Variants in KIF26A observed in about 807,000 individuals in gnomAD.
KIF26A encodes kinesin-like protein KIF26A.
A neutral mutation model predicts 126.0 loss-of-function variants in KIF26A; 74 were observed. The ratio of observed to expected loss-of-function variants is 0.59; its 90% CI spans 0.49 to 0.71. The LOEUF is 0.71. Ranked by LOEUF, KIF26A falls within the 30% of genes least tolerant of loss-of-function variation. KIF26A has a pLI of 0.00. For synonymous variants in KIF26A, 1,445 were observed against 1,232.7 expected (o/e 1.17, Z -3.61); for missense variants, 2,984 against 2,763.3 (o/e 1.08, Z -1.79).
rs921616776 is a variant in KIF26A, at chr14:104,173,210, C to G, written c.1654C>G (p.Leu552Val). 6.2e-6 allele frequency: 10 copies of G among 1,610,774 alleles called. No individual in the cohort carries two copies. Among genetic ancestry groups the G allele is most frequent in the Non-Finnish European group, 8.5e-6 (10 of 1,178,626 alleles). ...GGACACCCAGTCTCCGGGAGTGTACCTGCGGGAGGACCCCGTGTGTGGGGC... is the reference window on the plus strand; with the variant it reads ...GGACACCCAGTCTCCGGGAGTGTACGTGCGGGAGGACCCCGTGTGTGGGGC... ...LQDTQSPGVY[L>V]REDPVCGAQL... The change falls in exon 8 of 15, where the codon CTG (leucine) becomes GTG (valine). Residue 552 changes from leucine (L) to valine (V), a missense_variant. By Grantham distance (32) the Leu-to-Val change is conservative. Coordinates refer to ENST00000423312, the MANE Select transcript of KIF26A (RefSeq NM_015656.2).
At chr14:104,159,688 TC>T (rs2037815704) in intron 4 of KIF26A, among the ~76,000 whole-genome samples, 1 of 152,200 alleles carries the variant, frequency 6.6e-6, no homozygotes, top group African/African-American at 2.4e-5. Flanking sequence ...TGCCATTACT[TC>T]CAGCCTGTTA....
intron 4 of KIF26A, among the ~76,000 whole-genome samples, chr14:104,162,009 T>G (rs10149665): frequency 0.51 from 77,403 of 151,968 alleles, 20,188 homozygotes; most frequent in African/African-American, 0.63. Context: ...CACAGGGCCG[T>G]GGGCCCTCAA....
At chr14:104,174,020 TGG>T in intron 10 of KIF26A, 126 bp from the exon 11 acceptor site, 1 of 1,398,146 alleles carries the variant, frequency 7.2e-7, no homozygotes, top group Middle Eastern at 1.9e-4. Context: ...GTGGGCTGCC[TGG>T]GGCCCCACGC....
rs2037606006 is a variant in KIF26A at position 104,138,594 on chromosome 14, G to A, written c.-129G>A. The A allele has an allele frequency of 2.9e-6, 2 of 681,938 alleles. No homozygotes were observed. Among genetic ancestry groups the A allele is most frequent in the African/African-American group, 3.8e-5 (2 of 52,234 alleles). The allele number at this position is 681,938 out of a possible 1,614,324, so 42.2% of individuals were successfully genotyped here. A position where few individuals can be genotyped will look rare whatever the true frequency, so the allele number is the denominator to read the frequency against. On this transcript the variant is annotated 5_prime_UTR_variant, in exon 1 of 15. Transcript: ENST00000423312. ...CACCGCGCTCCTCGCGACACTCGCA[G>A]GCTCTGCGAACTTCCGAGCGGCTGG...
In KIF26A at chr14:104,171,911, C is replaced by A; in HGVS notation, c.1302C>A (p.Ala434=). The part of the protein sequence containing the change: ...AAVPKMFAFD[A]VFPQDSEQAE... ...TTCCCAAGATGTTTGCCTTCGATGC[C>A]GTCTTCCCCCAGGACTCCGAGCAGG... Residue 434 remains alanine, a synonymous_variant, in exon 6 of 15, where the codon GCC becomes GCA. Coordinates refer to ENST00000423312, the MANE Select transcript of KIF26A (RefSeq NM_015656.2). 1 of 1,555,370 alleles carries A rather than the reference C, an allele frequency of 6.4e-7. No homozygotes were observed. The highest frequency in any genetic ancestry group is 8.7e-7 in the Non-Finnish European group (1 of 1,150,452).
chr14:104,149,154 C>G (rs892266728), intron 2 of KIF26A, among the ~76,000 whole-genome samples: 2 of 152,172 alleles, frequency 1.3e-5, no homozygotes, highest in African/African-American at 2.4e-5. Flanking sequence ...TGCCCTAGGC[C>G]GGTCTCGCAT....
At chr14:104,166,772 G>A in intron 4 of KIF26A, 87 bp from the exon 5 acceptor site, 3 of 1,277,970 alleles carry the variant, frequency 2.3e-6, no homozygotes, top group Non-Finnish European at 3.2e-6. Flanking sequence ...GAAGTCCCAG[G>A]GTGGGATCGC....
intron 2 of KIF26A, among the ~76,000 whole-genome samples, chr14:104,150,441 CTG>C (rs1349834615): frequency 6.6e-6 from 1 of 151,844 alleles, no homozygotes; most frequent in African/African-American, 2.4e-5. Context: ...CTGCCTGGGA[CTG>C]TGGGGAGTGT....
Position 104,175,649 on chromosome 14 carries a change from C to A in KIF26A, c.2861C>A (p.Pro954Gln), listed in dbSNP as rs199857970. ...GRRPLPSPAPPPPQLLEACRA... is the reference protein window; with the variant it reads ...GRRPLPSPAPQPPQLLEACRA... ...AGGCCACTGCCCAGCCCGGCTCCCC[C>A]ACCTCCTCAGTTGCTGGAAGCCTGC... The change falls in exon 12 of 15, where the codon CCA becomes CAA. Residue 954 changes from proline (P) to glutamine (Q), a missense_variant. Transcript: ENST00000423312. 1.9e-5 allele frequency: 30 copies of A among 1,609,952 alleles called. No homozygotes were observed. The highest frequency in any genetic ancestry group is 9.9e-5 in the South Asian group (9 of 90,690).
At chr14:104,160,246 G>A (rs2037820587) in intron 4 of KIF26A, among the ~76,000 whole-genome samples, 1 of 152,166 alleles carries the variant, frequency 6.6e-6, no homozygotes, top group Non-Finnish European at 1.5e-5. Context: ...GAGACGGAAT[G>A]GGGTGGAGGT....
chr14:104,179,011 G>A (rs544892880), intron 13 of KIF26A, among the ~76,000 whole-genome samples: 244 of 152,282 alleles, frequency 1.6e-3, no homozygotes, highest in Non-Finnish European at 2.6e-3. Flanking sequence ...GCTGCTGTCC[G>A]CTGGAATTCT....
At chr14:104,165,659 G>GTGTA (rs2037887701) in intron 4 of KIF26A, among the ~76,000 whole-genome samples, 1 of 144,448 alleles carries the variant, frequency 6.9e-6, no homozygotes, top group Non-Finnish European at 1.5e-5. Flanking sequence ...GCATGTGTGT[G>GTGTA]TATCTGTGTT....
chr14:104,151,479 C>T lies in KIF26A; in HGVS notation c.289-536C>T, dbSNP rs543031418. Among the ~76,000 whole-genome samples, 21 of 148,120 alleles carry T rather than the reference C, an allele frequency of 1.4e-4. No individual in the cohort carries two copies. Among genetic ancestry groups the T allele is most frequent in the African/African-American group, 5.3e-4 (20 of 37,546 alleles). Reference sequence around the variant, plus strand: ...CTCATGTGCCCTCTAGGAGCGTCTCCGAGGGAGGCCTTCGCTTCTGTTGAC... The same window carrying T: ...CTCATGTGCCCTCTAGGAGCGTCTCTGAGGGAGGCCTTCGCTTCTGTTGAC... On this transcript the variant is annotated intron_variant, in intron 2 of 14. Transcript: ENST00000423312. This position sits in a 1 kb window ranked among gnomAD's most constrained non-coding sequence, Gnocchi z 4.9.
intron 2 of KIF26A, among the ~76,000 whole-genome samples, chr14:104,149,602 CTGGGTGGGGGCT>C (rs1404599073): frequency 1.3e-5 from 2 of 150,634 alleles, no homozygotes; most frequent in African/African-American, 2.4e-5. Context: ...GATGGCAAAG[CTGGGTGGGGGCT>C]TGGGTGGGGG....
intron 4 of KIF26A, among the ~76,000 whole-genome samples, chr14:104,162,131 T>TA (rs751447567): frequency 1.3e-5 from 2 of 152,190 alleles, no homozygotes; most frequent in Non-Finnish European, 2.9e-5. Flanking sequence ...GGGGCCTCGT[T>TA]AATGCAGTGG....
rs780541263 is a variant in KIF26A at position 104,177,574 on chromosome 14, G to A, written c.4786G>A (p.Val1596Met). ...ADSDSGHDSG[V>M]NVGEERPPTG... ...CTCAGACAGCGGCCATGACAGCGGC[G>A]TGAACGTGGGGGAGGAGCGGCCACC... The change falls in exon 12 of 15, where the codon GTG (valine) becomes ATG (methionine). Residue 1596 changes from valine to methionine, a missense_variant. By Grantham distance (21) the Val-to-Met change is conservative (BLOSUM62 1). Coordinates refer to ENST00000423312, the MANE Select transcript of KIF26A (RefSeq NM_015656.2). 3.3e-6 allele frequency: 5 copies of A among 1,535,740 alleles called. No individual in the cohort carries two copies. The highest frequency in any genetic ancestry group is 4.4e-6 in the Non-Finnish European group (5 of 1,146,218).
At chr14:104,149,472 G>A (rs1174039894) in intron 2 of KIF26A, among the ~76,000 whole-genome samples, 1 of 152,188 alleles carries the variant, frequency 6.6e-6, no homozygotes, top group Non-Finnish European at 1.5e-5. Context: ...TCCCCAGTGG[G>A]GGCTTCAGCT....
chr14:104,176,080 G>C lies in KIF26A; in HGVS notation c.3292G>C (p.Gly1098Arg), dbSNP rs755107094. The change falls in exon 12 of 15, where the codon GGG becomes CGG. Residue 1098 changes from glycine to arginine, a missense_variant. Physicochemically the swap from Gly to Arg is moderately radical, Grantham distance 125. Coordinates refer to ENST00000423312, the MANE Select transcript of KIF26A (RefSeq NM_015656.2). ...GGCCCCTGAGGGGGGGCCCCTGGAG[G>C]GGGCAGCCTGGGCCGGCAGCAGTCA... ...SQAPEGGPLE[G>R]AAWAGSSHGS... is the part of the protein sequence containing the mutation. 3 of 1,592,352 alleles carry C rather than the reference G, an allele frequency of 1.9e-6. No individual in the cohort carries two copies. The highest frequency in any genetic ancestry group is 2.3e-5 in the East Asian group (1 of 44,064).
Position 104,179,623 on chromosome 14 carries a change from G to C in KIF26A, c.5482G>C (p.Glu1828Gln), listed in dbSNP as rs2038078858. 4 of 1,536,272 alleles carry C rather than the reference G, an allele frequency of 2.6e-6. No individual in the cohort carries two copies. Among genetic ancestry groups the C allele is most frequent in the Middle Eastern group, 1.9e-4 (1 of 5,240 alleles). The part of the protein sequence containing the change: ...RWLEQFEVDP[E>Q]LEPESAEYLA... ...CCCCTCCCCAGTTGAGGTGGACCCGGAGCTGGAGCCCGAGTCGGCCGAGTA... is the reference window on the plus strand; with the variant it reads ...CCCCTCCCCAGTTGAGGTGGACCCGCAGCTGGAGCCCGAGTCGGCCGAGTA... The change falls in exon 15 of 15, where the codon GAG (glutamate) becomes CAG (glutamine). Residue 1828 changes from glutamate (E) to glutamine (Q), a missense_variant. By Grantham distance (29) the Glu-to-Gln change is conservative (BLOSUM62 2). Coordinates refer to ENST00000423312, the MANE Select transcript of KIF26A (RefSeq NM_015656.2).
Sources: allele counts gnomAD v4.1 joint callset (sites outside exome capture counted in the v4.1 genomes callset), GRCh38; gene constraint gnomAD v4.1.1; non-coding constraint Gnocchi (gnomAD v3.1); transcripts MANE v1.5; gene names NCBI Gene and HGNC (gene_info 2026-07-23, HGNC 2026-07-21).